The following LRP11 variants were observed in gnomAD, a reference collection of about 807,000 sequenced individuals.
The protein encoded by LRP11 is low-density lipoprotein receptor-related protein 11.
Under a neutral mutation model 43.1 loss-of-function variants are expected in LRP11, and 25 were observed. That is an observed-to-expected ratio of 0.58 (90% CI 0.42 to 0.81). The LOEUF is 0.81. Among genes scored for constraint, LRP11 ranks in the 30% least tolerant of loss-of-function variants. LRP11 has a pLI of 0.00. For synonymous variants in LRP11, 316 were observed against 299.4 expected (o/e 1.06, Z -0.57); for missense variants, 623 against 665.1 (o/e 0.94, Z 0.70).
intron 5 of LRP11, among the ~76,000 whole-genome samples, chr6:149,832,382 G>A (rs745948864): frequency 1.8e-4 from 27 of 151,184 alleles, no homozygotes; most frequent in Non-Finnish European, 2.9e-4. Flanking sequence ...TAGTAGAGAT[G>A]GGGTTTCACC....
chr6:149,849,577 T>C (rs1329777687), intron 2 of LRP11, among the ~76,000 whole-genome samples: 1 of 151,938 alleles, frequency 6.6e-6, no homozygotes, highest in Non-Finnish European at 1.5e-5. Context: ...GGCAGCATAG[T>C]GAGACCTCAT....
chr6:149,833,189 G>A lies in LRP11; in HGVS notation c.1252+2896C>T, dbSNP rs140904612. Among the ~76,000 whole-genome samples the A allele has an allele frequency of 7.3e-3, 1,111 of 152,064 alleles. 23 individuals are homozygous for A. The highest frequency in any genetic ancestry group is 0.026 in the African/African-American group (1,077 of 41,474). ...CCTGACCTCATGATCCGCCCACCTC[G>A]GCCTCCCAAAGTGCTGAGATTACAG... On this transcript the variant is annotated intron_variant, in intron 5 of 6. Coordinates refer to ENST00000239367, the MANE Select transcript of LRP11 (RefSeq NM_032832.6).
intron 2 of LRP11, among the ~76,000 whole-genome samples, chr6:149,849,773 G>C (rs1776691823): frequency 6.6e-6 from 1 of 152,194 alleles, no homozygotes; most frequent in South Asian, 2.1e-4. Flanking sequence ...AGACAAGTCA[G>C]GAACATGAGC....
Position 149,863,958 on chromosome 6 carries a change from C to T in LRP11, c.63G>A (p.Ala21=). The T allele has an allele frequency of 1.4e-6, 2 of 1,428,622 alleles. No homozygotes were observed. Among genetic ancestry groups the T allele is most frequent in the South Asian group, 1.4e-5 (1 of 70,258 alleles). The allele number at this position is 1,428,622 out of a possible 1,614,324, so 88.5% of individuals were successfully genotyped here. The change falls in exon 1 of 7, where the codon GCG becomes GCA. Residue 21 remains alanine (A), a synonymous_variant. Coordinates refer to ENST00000239367, the MANE Select transcript of LRP11 (RefSeq NM_032832.6). Reference sequence around the variant, plus strand: ...GGCAGAGCAGTAGCAGCCCGCGCAGCGCCCCGTGACGCGGCGGTAGCCGGC... The same window carrying T: ...GGCAGAGCAGTAGCAGCCCGCGCAGTGCCCCGTGACGCGGCGGTAGCCGGC... The part of the protein sequence containing the change: ...SQRRLPPRHG[A]LRGLLLLCLW...
intron 1 of LRP11, among the ~76,000 whole-genome samples, chr6:149,862,307 A>C (rs753125884): frequency 1.3e-5 from 2 of 152,214 alleles, no homozygotes; most frequent in Non-Finnish European, 2.9e-5. Context: ...AAAGGGGCTG[A>C]GCTCCGCCCC....
intron 3 of LRP11, among the ~76,000 whole-genome samples, chr6:149,840,695 CAG>C (rs1463838047): frequency 6.6e-6 from 1 of 152,180 alleles, no homozygotes; most frequent in Non-Finnish European, 1.5e-5. Flanking sequence ...CCCTTCCTCC[CAG>C]AGTCAGCACT....
intron 1 of LRP11, among the ~76,000 whole-genome samples, chr6:149,860,913 C>T (rs1776882907): frequency 6.6e-6 from 1 of 152,170 alleles, no homozygotes. Context: ...GGGATTATAA[C>T]AGAACCTAGG....
chr6:149,848,701 G>C (rs1356280628), intron 2 of LRP11, among the ~76,000 whole-genome samples: 1 of 151,902 alleles, frequency 6.6e-6, no homozygotes, highest in Non-Finnish European at 1.5e-5. Flanking sequence ...AGAGAAAGGG[G>C]AACAGCACAA....
intron 2 of LRP11, among the ~76,000 whole-genome samples, chr6:149,848,199 CA>C (rs1294950213): frequency 7.4e-6 from 1 of 134,378 alleles, no homozygotes; most frequent in African/African-American, 2.6e-5. Context: ...CAAAACAAAA[CA>C]AAAAAAACCC....
At chr6:149,856,790 C>G (rs1326050317) in intron 1 of LRP11, among the ~76,000 whole-genome samples, 1 of 152,094 alleles carries the variant, frequency 6.6e-6, no homozygotes, top group Admixed American at 6.5e-5. Flanking sequence ...GTGCACAGAG[C>G]CTCCATGACA....
chr6:149,850,857 CAA>C (rs1776708264), intron 2 of LRP11, among the ~76,000 whole-genome samples: 1 of 152,182 alleles, frequency 6.6e-6, no homozygotes, highest in African/African-American at 2.4e-5. Context: ...TTGCCCACCT[CAA>C]AGTCTTCCAC....
In LRP11 at chr6:149,837,362, ACCCATC is replaced by A. The variant is rs1776486585; in HGVS notation, c.1009_1014del (p.Asp337_Gly338del). 1.2e-6 allele frequency: 2 copies of A among 1,613,900 alleles called. No homozygotes were observed. The highest frequency in any genetic ancestry group is 2.7e-5 in the African/African-American group (2 of 74,990). On this transcript the variant is annotated inframe_deletion, in exon 4 of 7. Coordinates refer to ENST00000239367, the MANE Select transcript of LRP11 (RefSeq NM_032832.6). ...CGATTCTGGCAGAAGTCTTCATCAG[ACCCATC>A]AGGACACTGCTGCACTCCATCGCAG...
Position 149,826,360 on chromosome 6 carries a change from C to G in LRP11, c.1253-1G>C, listed in dbSNP as rs1776339748. ...CTGTTCTTCCCTGAGGAACTACTAT[C>G]TGCAGAAAAGAAAGAGAACATATAT... On this transcript the variant is annotated splice_acceptor_variant, in intron 5 of 6. Coordinates refer to ENST00000239367, the MANE Select transcript of LRP11 (RefSeq NM_032832.6). LOFTEE classifies it high-confidence loss of function. The G allele has an allele frequency of 6.2e-7, 1 of 1,605,002 alleles. No individual in the cohort carries two copies. The highest frequency in any genetic ancestry group is 8.5e-7 in the Non-Finnish European group (1 of 1,171,948).
At chr6:149,861,574 C>A (rs1471177159) in intron 1 of LRP11, among the ~76,000 whole-genome samples, 1 of 152,156 alleles carries the variant, frequency 6.6e-6, no homozygotes, top group South Asian at 2.1e-4. Context: ...AGTGCAGTGG[C>A]GCAATCTGTA....
At chr6:149,846,403 A>G (rs915237311) in intron 2 of LRP11, among the ~76,000 whole-genome samples, 2 of 152,210 alleles carry the variant, frequency 1.3e-5, no homozygotes, top group Non-Finnish European at 2.9e-5. Flanking sequence ...CCTTCAGTCA[A>G]GTAAGGTGAC....
intron 2 of LRP11, among the ~76,000 whole-genome samples, chr6:149,846,345 G>T (rs1377655513): frequency 6.6e-6 from 1 of 152,180 alleles, no homozygotes; most frequent in African/African-American, 2.4e-5. Context: ...AGGGAGCATG[G>T]CTGCAAATGA....
At chr6:149,850,958 G>C (rs1776709872) in intron 2 of LRP11, among the ~76,000 whole-genome samples, 1 of 152,180 alleles carries the variant, frequency 6.6e-6, no homozygotes, top group African/African-American at 2.4e-5. Flanking sequence ...TAAGCTGCCT[G>C]GCACTCAGTG....
chr6:149,838,518 T>C (rs1280708711), intron 3 of LRP11, among the ~76,000 whole-genome samples: 3 of 151,554 alleles, frequency 2.0e-5, no homozygotes, highest in Admixed American at 6.6e-5. Context: ...ACCCCGTCTC[T>C]ACTAAAAATA....
At position 149,864,313 on chromosome 6, in the gene LRP11, G is replaced by T. The variant is rs1041899747; in HGVS notation, c.-293C>A. On this transcript the variant is annotated 5_prime_UTR_variant, in exon 1 of 7. Transcript: ENST00000239367. ...CCCGGCCTGCGGCGCGCTGGGTGGC[G>T]ACGAGTCGGCCTCGGCGTTGATCAG... The T allele has an allele frequency of 9.7e-7, 1 of 1,031,240 alleles. No individual in the cohort carries two copies. The highest frequency in any genetic ancestry group is 1.7e-5 in the African/African-American group (1 of 58,428). 63.9% of individuals were successfully genotyped at this position (1,031,240 alleles called of 1,614,324 possible).
Sources: allele counts gnomAD v4.1 joint callset (sites outside exome capture counted in the v4.1 genomes callset), GRCh38; gene constraint gnomAD v4.1.1; transcripts MANE v1.5; gene names NCBI Gene and HGNC (gene_info 2026-07-23, HGNC 2026-07-21).